Variants in PRIM2 observed in about 807,000 individuals in gnomAD.
PRIM2 encodes DNA primase large subunit.
In PRIM2, 39 loss-of-function variants were observed where a neutral mutation model predicts 67.3. That is an observed-to-expected ratio of 0.58 (90% CI 0.45 to 0.76). PRIM2 has a LOEUF of 0.76. Among genes scored for constraint, PRIM2 ranks in the 30% least tolerant of loss-of-function variants. PRIM2 has a pLI of 0.00. For synonymous variants in PRIM2, 143 were observed against 198.7 expected, an observed-to-expected ratio of 0.72 and a Z score of 2.36; for missense variants, 398 against 598.7, an observed-to-expected ratio of 0.66 and a Z score of 3.50.
intron 10 of PRIM2, among the ~76,000 whole-genome samples, chr6:57,581,472 A>T (rs1275045055): frequency 2.6e-5 from 4 of 152,206 alleles, no homozygotes; most frequent in Non-Finnish European, 4.4e-5. Flanking sequence ...AAGTTTAATA[A>T]ATTTTCATTG....
chr6:57,265,656 T>C, the PRIM2 span, among the ~76,000 whole-genome samples: 5 of 152,342 alleles, frequency 3.3e-5, no homozygotes, highest in East Asian at 7.7e-4. Flanking sequence ...ATCCTATAGA[T>C]AGCCCAGAAA....
intron 5 of PRIM2, among the ~76,000 whole-genome samples, chr6:57,326,702 AAG>A (rs1189518443): frequency 6.6e-6 from 1 of 151,640 alleles, no homozygotes; most frequent in Non-Finnish European, 1.5e-5. Flanking sequence ...GTCTGGGCGA[AAG>A]AGCAAGACTC....
intron 7 of PRIM2, among the ~76,000 whole-genome samples, chr6:57,433,403 C>T (rs1402538492): frequency 6.9e-6 from 1 of 144,126 alleles, no homozygotes; most frequent in Non-Finnish European, 1.5e-5. Context: ...CCCCATCCCA[C>T]AACAGTCCCC....
At chr6:57,468,557 C>T (rs1279057459) in intron 7 of PRIM2, among the ~76,000 whole-genome samples, 22 of 152,162 alleles carry the variant, frequency 1.4e-4, no homozygotes, top group African/African-American at 4.6e-4. Context: ...ATTTTTGCAT[C>T]GATGTTCATC....
chr6:57,292,984 C>A, the PRIM2 span, among the ~76,000 whole-genome samples: 8,767 of 152,180 alleles, frequency 0.058, 268 homozygotes, highest in Non-Finnish European at 0.072. Context: ...CCAAAATTGA[C>A]AAATGGGATC....
intron 7 of PRIM2, among the ~76,000 whole-genome samples, chr6:57,480,531 C>T (rs1396934268): frequency 1.3e-5 from 2 of 152,144 alleles, no homozygotes; most frequent in African/African-American, 2.4e-5. Context: ...ATTCATGTAA[C>T]CATCACTACA....
chr6:57,572,310 T>A (rs1175631137), intron 10 of PRIM2, among the ~76,000 whole-genome samples: 1 of 152,182 alleles, frequency 6.6e-6, no homozygotes, highest in Non-Finnish European at 1.5e-5. Flanking sequence ...AACCATGGAA[T>A]TTGAGATTAC....
intron 10 of PRIM2, among the ~76,000 whole-genome samples, chr6:57,556,684 T>C (rs1775520214): frequency 6.6e-6 from 1 of 152,182 alleles, no homozygotes; most frequent in Non-Finnish European, 1.5e-5. Context: ...CTACAAACCC[T>C]AGAAGACAAC....
rs34478755 is a variant in PRIM2 at position 57,352,729 on chromosome 6, G to GTT, written c.459+26692_459+26693dup. Among the ~76,000 whole-genome samples, 32 of 151,012 alleles carry GTT rather than the reference G, an allele frequency of 2.1e-4. No individual in the cohort carries two copies. In the South Asian group the frequency reaches 4.2e-3, roughly 20 times the overall value. On this transcript the variant is annotated intron_variant, in intron 5 of 13. Transcript: ENST00000615550. ...CAGTTGTATCTGGCACCGTTTTTTA[G>GTT]TTTTTTTTTCTCTGACACAGGATTA...
upstream of PRIM2, among the ~76,000 whole-genome samples, chr6:57,311,634 G>A (rs1446814703): frequency 3.9e-5 from 6 of 152,174 alleles, no homozygotes; most frequent in Admixed American, 6.5e-5. Context: ...GGTGACCGGC[G>A]GGCAGAGGCT....
At chr6:57,642,250 G>T (rs1777251538) in intron 13 of PRIM2, among the ~76,000 whole-genome samples, 1 of 151,930 alleles carries the variant, frequency 6.6e-6, no homozygotes, top group Non-Finnish European at 1.5e-5. Flanking sequence ...TGCTAGGGGA[G>T]GGATGGCATT....
chr6:57,258,830 G>A, the PRIM2 span, among the ~76,000 whole-genome samples: 2 of 151,974 alleles, frequency 1.3e-5, no homozygotes, highest in Admixed American at 6.6e-5. Flanking sequence ...CATCTCCTCC[G>A]CTCCCAGAAC....
intron 7 of PRIM2, among the ~76,000 whole-genome samples, chr6:57,388,768 G>A (rs1770232663): frequency 6.6e-6 from 1 of 152,140 alleles, no homozygotes; most frequent in Non-Finnish European, 1.5e-5. Context: ...AGAAAAATAT[G>A]TAAAATAAAA....
chr6:57,558,367 T>G (rs1392566958), intron 10 of PRIM2, among the ~76,000 whole-genome samples: 1 of 152,090 alleles, frequency 6.6e-6, no homozygotes, highest in Non-Finnish European at 1.5e-5. Context: ...ATGGACAAAT[T>G]GATATTTGAA....
upstream of PRIM2, among the ~76,000 whole-genome samples, chr6:57,316,252 C>T (rs1467841213): frequency 2.0e-5 from 3 of 152,130 alleles, no homozygotes; most frequent in African/African-American, 7.2e-5. Context: ...GGTGAAACCC[C>T]ATCTTTACTA....
At chr6:57,603,323 A>G (rs1776504446) in intron 11 of PRIM2, among the ~76,000 whole-genome samples, 1 of 152,214 alleles carries the variant, frequency 6.6e-6, no homozygotes, top group African/African-American at 2.4e-5. Context: ...TGATGAACCT[A>G]TTGAAGACAT....
the PRIM2 span, among the ~76,000 whole-genome samples, chr6:57,278,188 G>A: frequency 1.3e-5 from 2 of 151,832 alleles, no homozygotes; most frequent in Admixed American, 1.3e-4. Flanking sequence ...TTAGCCGGGT[G>A]TGGTAGTGGG....
intron 4 of PRIM2, among the ~76,000 whole-genome samples, chr6:57,324,680 TA>T (rs746945309): frequency 3.9e-5 from 6 of 152,332 alleles, no homozygotes; most frequent in Non-Finnish European, 7.3e-5. Flanking sequence ...ATGGGCCAGT[TA>T]AATCGAAGAT....
rs766418667 is a variant in PRIM2, at chr6:57,382,135, T to A, written c.660T>A (p.Asn220Lys). ...AGGACATTGTGGCAATCATCCTGAA[T>A]GAATTTAGAGCCAAACTGTCCAAGG... ...PLKDIVAIIL[N>K]EFRAKLSKAL... is the part of the protein sequence containing the mutation. The change falls in exon 7 of 14, where the codon AAT (asparagine) becomes AAA (lysine). Residue 220 changes from asparagine (N) to lysine (K), a missense_variant. This residue lies in a region of PRIM2 where 229 missense variants were observed against 383.6 expected (regional missense o/e 0.60). Coordinates refer to ENST00000615550, the MANE Select transcript of PRIM2 (RefSeq NM_000947.5). 3 of 1,613,356 alleles carry A rather than the reference T, an allele frequency of 1.9e-6. No homozygotes were observed. The highest frequency in any genetic ancestry group is 2.5e-6 in the Non-Finnish European group (3 of 1,179,520).
Sources: gnomAD v4.1 joint callset for allele counts (sites outside exome capture counted in the v4.1 genomes callset) on GRCh38, gnomAD v4.1.1 for gene constraint, gnomAD v4.1.1 regional missense constraint, MANE v1.5 for transcripts, NCBI Gene and HGNC (gene_info 2026-07-23, HGNC 2026-07-21) for gene names.